Variants in C11orf65 observed in about 807,000 individuals in gnomAD.
C11orf65 encodes protein MFI.
A neutral mutation model predicts 35.3 loss-of-function variants in C11orf65; 38 were observed. That is an observed-to-expected ratio of 1.08 (90% CI 0.83 to 1.41). C11orf65 has a LOEUF of 1.41. C11orf65 is among the 40% of genes most tolerant of loss of function. C11orf65 has a pLI of 0.00. For missense variants in C11orf65, 370 were observed against 367.1 expected (o/e 1.01, Z -0.06); for synonymous variants, 105 against 114.4 (o/e 0.92, Z 0.53).
rs191906097 is a variant in C11orf65, at chr11:108,453,288, C to G, written c.81+8191G>C. On this transcript the variant is annotated intron_variant, in intron 2 of 8. Transcript: ENST00000393084. ...TAATAGAGAAGAAAATAATGACAAA[C>G]TAACAATATTTAATTACCACCAAGA... Among the ~76,000 whole-genome samples the G allele has an allele frequency of 8.8e-5, 13 of 147,620 alleles. No homozygotes were observed. The East Asian group carries it at 2.6e-3, about 30-fold the overall frequency.
At chr11:108,377,714 T>C (rs1055708693) in intron 2 of C11orf65, among the ~76,000 whole-genome samples, 1 of 151,748 alleles carries the variant, frequency 6.6e-6, no homozygotes, top group Admixed American at 6.6e-5. Context: ...GATGACATGA[T>C]TGTATATCTA....
chr11:108,316,146 A>G (rs2084631059), intron 6 of C11orf65: 1 of 1,571,444 alleles, frequency 6.4e-7, no homozygotes, highest in African/African-American at 1.4e-5. Context: ...TAAAGCCATC[A>G]CTAGTGTAGT....
chr11:108,328,275 C>A (rs1237282410), downstream of C11orf65, among the ~76,000 whole-genome samples: 2 of 152,086 alleles, frequency 1.3e-5, no homozygotes, highest in African/African-American at 4.8e-5. Context: ...GAGATGAAGT[C>A]TCTCTCTGTC....
In C11orf65 at chr11:108,365,209, G is replaced by A. The variant is rs587778081; in HGVS notation, c.226+27999C>T. 7 of 1,614,064 alleles carry A rather than the reference G, an allele frequency of 4.3e-6. No individual in the cohort carries two copies. The highest frequency in any genetic ancestry group is 2.7e-5 in the African/African-American group (2 of 74,926). On this transcript the variant is annotated intron_variant, in intron 2 of 3. Transcript: ENST00000524755. ...AATGCAGATGACCAAGAATGCAAAC[G>A]AAATCTCAGGTGAGCAGTATTTTAA...
Position 108,333,906 on chromosome 11 carries a change from G to A in C11orf65, c.299+1314C>T, listed in dbSNP as rs786202219. The A allele has an allele frequency of 1.9e-6, 3 of 1,610,662 alleles. No homozygotes were observed. Among genetic ancestry groups the A allele is most frequent in the Non-Finnish European group, 2.5e-6 (3 of 1,176,944 alleles). On this transcript the variant is annotated intron_variant, in intron 3 of 3. Coordinates refer to the C11orf65 transcript ENST00000524755. ...TACAGAAGGCATAAATATTCCAGCA[G>A]ACCAGCCAATTACTAAACTTAAGAA...
At chr11:108,382,071 C>A (rs1401279108), downstream of C11orf65, among the ~76,000 whole-genome samples, 3 of 152,170 alleles carry the variant, frequency 2.0e-5, no homozygotes, top group Non-Finnish European at 4.4e-5. Context: ...ATCTTGGAGG[C>A]AGATTCTCCA....
chr11:108,325,578 C>A (rs770271751), intron 6 of C11orf65: 1 of 1,505,586 alleles, frequency 6.6e-7, no homozygotes, highest in Non-Finnish European at 9.2e-7. Flanking sequence ...CATCTTACCT[C>A]TTGACTTTCC....
intron 6 of C11orf65, 97 bp downstream of exon 6, chr11:108,405,332 C>T (rs1476845998): frequency 3.0e-5 from 38 of 1,260,838 alleles, no homozygotes; most frequent in Non-Finnish European, 3.9e-5. Context: ...AGACCCCCTG[C>T]AGCTAATGCC....
intron 7 of C11orf65, 38 bp from the exon 8 acceptor site, chr11:108,386,013 AT>A: frequency 6.5e-7 from 1 of 1,530,034 alleles, no homozygotes; most frequent in Non-Finnish European, 9.0e-7. Context: ...AATTTAATCG[AT>A]TCATTAGTAC....
At position 108,317,652 on chromosome 11, in the gene C11orf65, TACACAC is replaced by T. The variant is rs1181493043; in HGVS notation, c.641-8587_641-8582del. 6.5e-3 allele frequency: 771 copies of T among 118,316 alleles called. 15 individuals are homozygous for T. The highest frequency in any genetic ancestry group is 0.036 in the African/African-American group (710 of 19,760). The allele number at this position is 118,316 out of a possible 1,614,324, so 7.3% of individuals were successfully genotyped here. A position where few individuals can be genotyped will look rare whatever the true frequency, so the allele number is the denominator to read the frequency against. On this transcript the variant is annotated intron_variant, in intron 6 of 6. Coordinates refer to the C11orf65 transcript ENST00000525729. Reference sequence around the variant, plus strand: ...ATATATATATATATATATATATATATACACACACACACACACACACACTATATATAT... The same window carrying T: ...ATATATATATATATATATATATATATACACACACACACACACTATATATAT...
chr11:108,467,510 A>T lies in C11orf65; in HGVS notation c.-49T>A, dbSNP rs1357907931. On this transcript the variant is annotated 5_prime_UTR_variant, in exon 1 of 9. Coordinates refer to ENST00000393084, the MANE Select transcript of C11orf65 (RefSeq NM_152587.5). Reference sequence around the variant, plus strand: ...CCGGGCGCCGCTGGACTCCTAGGTAACGTCGCAGGCGGAAATGACGTAACT... The same window carrying T: ...CCGGGCGCCGCTGGACTCCTAGGTATCGTCGCAGGCGGAAATGACGTAACT... 6.6e-6 allele frequency: 1 copy of T among 152,320 alleles called. No individual in the cohort carries two copies. Among genetic ancestry groups the T allele is most frequent in the Non-Finnish European group, 1.5e-5 (1 of 68,158 alleles). 9.4% of individuals were successfully genotyped at this position (152,320 alleles called of 1,614,324 possible). A position where few individuals can be genotyped will look rare whatever the true frequency, so the allele number is the denominator to read the frequency against.
intron 2 of C11orf65, among the ~76,000 whole-genome samples, chr11:108,443,585 C>T (rs1353982598): frequency 1.3e-5 from 2 of 152,162 alleles, no homozygotes; most frequent in Admixed American, 1.3e-4. Context: ...CACTCCTCAG[C>T]AAATGTAAAA....
At chr11:108,341,890 C>G (rs769879585) in intron 2 of C11orf65, among the ~76,000 whole-genome samples, 2 of 152,106 alleles carry the variant, frequency 1.3e-5, no homozygotes, top group African/African-American at 2.4e-5. Context: ...TCGGTACAGT[C>G]ACTTTGAATA....
At chr11:108,310,927 A>C (rs1404224992) in intron 6 of C11orf65, among the ~76,000 whole-genome samples, 1 of 152,170 alleles carries the variant, frequency 6.6e-6, no homozygotes, top group Non-Finnish European at 1.5e-5. Context: ...AAGAGTAAAA[A>C]ATAAAGTAAA....
At chr11:108,343,095 C>G in intron 2 of C11orf65, 1 of 1,228,622 alleles carries the variant, frequency 8.1e-7, no homozygotes. Context: ...GCTTTGTCTT[C>G]TATGGACAGA....
At chr11:108,369,926 C>T (rs962222116) in intron 2 of C11orf65, among the ~76,000 whole-genome samples, 6 of 152,092 alleles carry the variant, frequency 3.9e-5, no homozygotes, top group East Asian at 1.9e-4. Context: ...ACTGCCTGTA[C>T]GTATTCTTTG....
intron 2 of C11orf65, chr11:108,365,555 T>G (rs958593856): frequency 5.1e-6 from 8 of 1,582,558 alleles, no homozygotes; most frequent in Non-Finnish European, 6.9e-6. Context: ...AGAAATTATA[T>G]TTTAGCCTTT....
intron 2 of C11orf65, chr11:108,335,812 G>C (rs754542962): frequency 1.3e-6 from 2 of 1,525,678 alleles, no homozygotes; most frequent in Non-Finnish European, 1.8e-6. Context: ...AAAATAAACT[G>C]TACTTGTTTA....
At chr11:108,448,457 C>A (rs1004394541) in intron 2 of C11orf65, among the ~76,000 whole-genome samples, 57 of 152,186 alleles carry the variant, frequency 3.7e-4, no homozygotes, top group African/African-American at 1.4e-3. Context: ...GGCTTCATCC[C>A]TGGGATGCAA....
Sources: gnomAD v4.1 joint callset for allele counts (sites outside exome capture counted in the v4.1 genomes callset) on GRCh38, gnomAD v4.1.1 for gene constraint, MANE v1.5 for transcripts, NCBI Gene and HGNC (gene_info 2026-07-23, HGNC 2026-07-21) for gene names.